The following MDN1 variants were observed in gnomAD, a reference collection of about 807,000 sequenced individuals.
MDN1 encodes the protein midasin AAA ATPase 1.
In MDN1, 266 loss-of-function variants were observed where a neutral mutation model predicts 669.2. The ratio of observed to expected loss-of-function variants is 0.40; its 90% CI spans 0.36 to 0.44. MDN1 has a LOEUF of 0.44. Ranked by LOEUF, MDN1 falls within the 20% of genes least tolerant of loss-of-function variation. The pLI is 1.00. For missense variants in MDN1, 5,940 were observed against 6,754.0 expected (o/e 0.88, Z 4.22); for synonymous variants, 2,385 against 2,457.1 (o/e 0.97, Z 0.87).
At chr6:89,764,643 G>C (rs938678353) in intron 15 of MDN1, among the ~76,000 whole-genome samples, 3 of 152,140 alleles carry the variant, frequency 2.0e-5, no homozygotes, top group East Asian at 3.9e-4. Context: ...TTGTTGAGGA[G>C]GGGACATTTG....
chr6:89,663,806 G>T (rs1809982827), intron 85 of MDN1, among the ~76,000 whole-genome samples: 1 of 151,964 alleles, frequency 6.6e-6, no homozygotes, highest in African/African-American at 2.4e-5. Context: ...GCTGGATGTG[G>T]TGGCAGGCGC....
rs143860726 is a variant in MDN1 at position 89,727,769 on chromosome 6, T to C, written c.5472+64A>G. On this transcript the variant is annotated intron_variant, in intron 37 of 101. Coordinates refer to ENST00000369393, the MANE Select transcript of MDN1 (RefSeq NM_014611.3). ...AGAAATGGATTGTGAAATGGAGCTGTGAAAGGATGACTGCTCCTCACACAC... is the reference window on the plus strand; with the variant it reads ...AGAAATGGATTGTGAAATGGAGCTGCGAAAGGATGACTGCTCCTCACACAC... 1.5e-5 allele frequency: 24 copies of C among 1,611,980 alleles called. No homozygotes were observed. In the East Asian group the frequency reaches 4.9e-4, roughly 33 times the overall value.
chr6:89,693,896 C>T (rs1294026293), intron 62 of MDN1, among the ~76,000 whole-genome samples, 178 bp downstream of exon 62: 1 of 152,286 alleles, frequency 6.6e-6, no homozygotes, highest in South Asian at 2.1e-4. Flanking sequence ...CCTTGAATAG[C>T]CCCCCTCTCC....
At position 89,651,291 on chromosome 6, in the gene MDN1, C is replaced by T. The variant is rs530898754; in HGVS notation, c.15916-444G>A. On this transcript the variant is annotated intron_variant, in intron 95 of 101. Coordinates refer to ENST00000369393, the MANE Select transcript of MDN1 (RefSeq NM_014611.3). ...AGTGGGTCAAGATCGCGCCACAGCACTCCAGCCTGGGTGACAGAGCGAGAT... is the reference window on the plus strand; with the variant it reads ...AGTGGGTCAAGATCGCGCCACAGCATTCCAGCCTGGGTGACAGAGCGAGAT... Among the ~76,000 whole-genome samples the T allele has an allele frequency of 8.3e-5, 12 of 144,422 alleles. No homozygotes were observed. The South Asian group carries it at 2.6e-3, about 32-fold the overall frequency. 94.7% of individuals were successfully genotyped at this position (144,422 alleles called of 152,430 possible).
In MDN1 at chr6:89,650,078, C is replaced by G. The variant is rs1367242085; in HGVS notation, c.16152G>C (p.Gln5384His). 6.2e-7 allele frequency: 1 copy of G among 1,614,124 alleles called. No individual in the cohort carries two copies. Among genetic ancestry groups the G allele is most frequent in the Admixed American group, 1.7e-5 (1 of 60,030 alleles). Residue 5384 changes from glutamine to histidine, a missense_variant, in exon 97 of 102, where the codon CAG becomes CAC. Transcript: ENST00000369393. The stretch of plus-strand genomic sequence containing the variant: ...AAGAGTCATCGATAGCCAAACAAAT[C>G]TGATACTGGCGTTTACTGGGCTTGG... Reference protein sequence around the residue: ...RRTKPSKRQYQICLAIDDSSS... With the variant: ...RRTKPSKRQYHICLAIDDSSS...
chr6:89,780,332 A>C, intron 10 of MDN1, 39 bp from the exon 11 acceptor site: 1 of 1,359,470 alleles, frequency 7.4e-7, no homozygotes, highest in Non-Finnish European at 1.0e-6. Context: ...CAAAGAAAAG[A>C]CCACAGGCCA....
Position 89,655,900 on chromosome 6 carries a change from G to A in MDN1, c.15354C>T (p.His5118=), listed in dbSNP as rs760423661. Residue 5118 remains histidine, a synonymous_variant, in exon 92 of 102, where the codon CAC becomes CAT. Transcript: ENST00000369393. ...RSMGDHNERV[H]KRLRTVDTDS... is the part of the protein sequence containing the mutation. ...CCGTATCCACAGTCCTCAGCCTCTT[G>A]TGCACACGCTCATTGTGATCACCCA... 1 of 1,614,084 alleles carries A rather than the reference G, an allele frequency of 6.2e-7. No homozygotes were observed. The highest frequency in any genetic ancestry group is 8.5e-7 in the Non-Finnish European group (1 of 1,180,030).
At chr6:89,770,210 C>T (rs1268997959) in intron 15 of MDN1, among the ~76,000 whole-genome samples, 1 of 151,978 alleles carries the variant, frequency 6.6e-6, no homozygotes, top group Non-Finnish European at 1.5e-5. Context: ...TGGAGACCAT[C>T]CTGGCAAACA....
intron 39 of MDN1, 134 bp downstream of exon 39, chr6:89,723,378 A>G: frequency 1.5e-6 from 1 of 684,652 alleles, no homozygotes; most frequent in South Asian, 2.2e-5. Flanking sequence ...TGTCCCTTCC[A>G]CTAGAAACCT....
In MDN1 at chr6:89,712,031, C is replaced by T. The variant is rs1813969102; in HGVS notation, c.7651+5G>A. On this transcript the variant is annotated splice_donor_5th_base_variant and intron_variant, in intron 49 of 101. Transcript: ENST00000369393. The stretch of plus-strand genomic sequence containing the variant: ...TCAGTGGACAAATTAAGCTGTTCTA[C>T]TCACCAAGCCCCTGCGGTATATTCT... The T allele has an allele frequency of 6.2e-7, 1 of 1,609,748 alleles. No individual in the cohort carries two copies. The highest frequency in any genetic ancestry group is 8.5e-7 in the Non-Finnish European group (1 of 1,177,078).
At position 89,719,221 on chromosome 6, in the gene MDN1, A is replaced by G. The variant is rs1167161920; in HGVS notation, c.5972T>C (p.Ile1991Thr). The change falls in exon 41 of 102, where the codon ATT (isoleucine) becomes ACT (threonine). Residue 1991 changes from isoleucine to threonine, a missense_variant. Around this residue, in one of 5 missense-constraint regions of MDN1, gnomAD observed 2,292 missense variants for 2,638.3 expected, o/e 0.87. Coordinates refer to ENST00000369393, the MANE Select transcript of MDN1 (RefSeq NM_014611.3). ...MRTEEDKKKV[I>T]AVFKDVFGSN... is the part of the protein sequence containing the mutation. ...ACCAAACACATCCTTGAATACAGCA[A>G]TGACCTAAAGGAAGAAGATAATGCA... 2.5e-6 allele frequency: 4 copies of G among 1,612,340 alleles called. No individual in the cohort carries two copies. Among genetic ancestry groups the G allele is most frequent in the East Asian group, 2.2e-5 (1 of 44,878 alleles).
chr6:89,785,619 T>TA (rs1818916000), intron 8 of MDN1, among the ~76,000 whole-genome samples: 1 of 152,218 alleles, frequency 6.6e-6, no homozygotes, highest in African/African-American at 2.4e-5. Flanking sequence ...ATAGGCCACT[T>TA]AGTCCTCACA....
intron 2 of MDN1, among the ~76,000 whole-genome samples, chr6:89,800,357 G>T (rs756513839): frequency 6.6e-6 from 1 of 152,166 alleles, no homozygotes; most frequent in Non-Finnish European, 1.5e-5. Flanking sequence ...AACCTGGGAG[G>T]CGGAGGTTGC....
intron 99 of MDN1, among the ~76,000 whole-genome samples, chr6:89,647,105 CA>C (rs1808537833): frequency 1.3e-5 from 2 of 152,184 alleles, no homozygotes; most frequent in Admixed American, 1.3e-4. Context: ...CATTCTCAAG[CA>C]CAGGTGAGAC....
intron 47 of MDN1, 92 bp downstream of exon 47, chr6:89,713,056 G>A (rs1584248778): frequency 6.4e-6 from 9 of 1,397,104 alleles, no homozygotes; most frequent in Non-Finnish European, 7.8e-6. Context: ...ACTCTCTTAG[G>A]TCACTGGGTT....
intron 11 of MDN1, among the ~76,000 whole-genome samples, chr6:89,778,887 A>AAAATAAATAAATAAAT (rs548314772): frequency 3.2e-4 from 42 of 130,340 alleles, no homozygotes; most frequent in Admixed American, 8.9e-4. Context: ...CTATGTCTCA[A>AAAATAAATAAATAAAT]AAATAAATAA....
chr6:89,688,868 C>T lies in MDN1; in HGVS notation c.11024-60G>A, dbSNP rs180791529. 9 of 1,409,018 alleles carry T rather than the reference C, an allele frequency of 6.4e-6. No homozygotes were observed. The East Asian group carries it at 2.1e-4, about 33-fold the overall frequency. The allele number at this position is 1,409,018 out of a possible 1,614,324, so 87.3% of individuals were successfully genotyped here. ...TCAGTAAGTTGATCTATCAACATGT[C>T]AAAAAGATGTCAGCAACAGGGCCAG... On this transcript the variant is annotated intron_variant, in intron 65 of 101. Transcript: ENST00000369393.
intron 7 of MDN1, among the ~76,000 whole-genome samples, chr6:89,789,203 T>C (rs964782531): frequency 6.6e-6 from 1 of 152,086 alleles, no homozygotes; most frequent in Non-Finnish European, 1.5e-5. Context: ...CATCCTGCAA[T>C]ACATTTTTTG....
At chr6:89,744,168 T>C (rs1175771427) in intron 29 of MDN1, among the ~76,000 whole-genome samples, 6 of 146,510 alleles carry the variant, frequency 4.1e-5, no homozygotes, top group Admixed American at 2.7e-4. Context: ...CTAATCCTTA[T>C]AGACTTGACA....
Sources: allele counts gnomAD v4.1 joint callset (sites outside exome capture counted in the v4.1 genomes callset), GRCh38; gene constraint gnomAD v4.1.1; regional missense constraint gnomAD v4.1.1; transcripts MANE v1.5; gene names NCBI Gene and HGNC (gene_info 2026-07-23, HGNC 2026-07-21).